Variants in TLR6 observed in about 807,000 individuals in gnomAD.
TLR6 encodes toll like receptor 6.
A neutral mutation model predicts 16.1 loss-of-function variants in TLR6; 9 were observed. The ratio of observed to expected loss-of-function variants is 0.56; its 90% confidence interval spans 0.34 to 0.98. The LOEUF (loss-of-function observed/expected upper bound fraction) is 0.98, where lower values mean the gene tolerates loss of function less well. Ranked by LOEUF, TLR6 falls within the 50% of genes least tolerant of loss-of-function variation. The pLI, the probability that TLR6 is intolerant of heterozygous loss-of-function variation, is 0.02. For synonymous variants in TLR6, 340 were observed against 338.6 expected (o/e 1.00, Z -0.04); for missense variants, 786 against 921.0 (o/e 0.85, Z 1.90).
intron 1 of TLR6, among the ~76,000 whole-genome samples, chr4:38,847,592 G>A (rs898034627): frequency 1.6e-4 from 24 of 152,300 alleles, no homozygotes; most frequent in South Asian, 8.3e-4. Context: ...CCCTAATACC[G>A]TGCTTTTCCA....
chr4:38,860,403 C>T (rs28480291), upstream of TLR6, among the ~76,000 whole-genome samples: 4,416 of 151,710 alleles, frequency 0.029, 212 homozygotes, highest in African/African-American at 0.1. Context: ...ACCCAGGAGG[C>T]GGAGGTTGCT....
At chr4:38,860,752 C>T (rs939116707), upstream of TLR6, among the ~76,000 whole-genome samples, 4 of 152,076 alleles carry the variant, frequency 2.6e-5, no homozygotes, top group Non-Finnish European at 1.5e-5. Context: ...GGTATGCATC[C>T]TCATTAGAAC....
At chr4:38,845,726 G>GT (rs111530790) in intron 1 of TLR6, among the ~76,000 whole-genome samples, 32,559 of 152,134 alleles carry the variant, frequency 0.21, 4,199 homozygotes, top group Non-Finnish European at 0.28. Flanking sequence ...CTACAGAACT[G>GT]TAAGATAATA....
chr4:38,839,008 GGAGA>G (rs1425867806), intron 1 of TLR6, among the ~76,000 whole-genome samples: 4 of 137,654 alleles, frequency 2.9e-5, no homozygotes, highest in Non-Finnish European at 3.1e-5. Context: ...AGAGAGAGAA[GGAGA>G]GAGAGAAAGA....
upstream of TLR6, chr4:38,856,895 C>G (rs1713014041): frequency 6.6e-6 from 1 of 152,102 alleles, no homozygotes. Context: ...ATCTGTTGGC[C>G]CACACTGGAA....
chr4:38,846,465 T>C (rs1393365508), intron 1 of TLR6, among the ~76,000 whole-genome samples: 3 of 151,726 alleles, frequency 2.0e-5, no homozygotes, highest in South Asian at 2.1e-4. Flanking sequence ...AATGAGAAAA[T>C]TAATGATAGA....
At chr4:38,861,993 T>C in the TLR6 span, among the ~76,000 whole-genome samples, 1 of 152,222 alleles carries the variant, frequency 6.6e-6, no homozygotes, top group Admixed American at 6.5e-5. Context: ...TAAAACATTC[T>C]TGTTGAAAAC....
upstream of TLR6, among the ~76,000 whole-genome samples, chr4:38,858,757 G>GA (rs1560274453): frequency 1.7e-5 from 1 of 59,602 alleles, no homozygotes; most frequent in East Asian, 6.2e-4. Context: ...GAGAGAGAGA[G>GA]GGAGAGAGAG....
At chr4:38,862,444 C>T in the TLR6 span, among the ~76,000 whole-genome samples, 1 of 151,894 alleles carries the variant, frequency 6.6e-6, no homozygotes, top group African/African-American at 2.4e-5. Flanking sequence ...TCACTCTCCG[C>T]TAATTTTTGT....
At position 38,837,792 on chromosome 4, in the gene TLR6, A is replaced by G. The variant is rs142158330; in HGVS notation, c.-64-8255T>C. Among the ~76,000 whole-genome samples the G allele has an allele frequency of 8.2e-3, 1,245 of 152,324 alleles. 22 individuals carry two copies. The highest frequency in any genetic ancestry group is 0.028 in the African/African-American group (1,163 of 41,576). On this transcript the variant is annotated intron_variant, in intron 1 of 1. Coordinates refer to ENST00000436693, the Ensembl canonical transcript of TLR6. ...CTTCTACACAGCACAGGAAACAATCAACAGGGTGAATAGATAACAGGGTTA... is the reference window on the plus strand; with the variant it reads ...CTTCTACACAGCACAGGAAACAATCGACAGGGTGAATAGATAACAGGGTTA...
chr4:38,838,694 A>G (rs962908169), intron 1 of TLR6, among the ~76,000 whole-genome samples: 2 of 152,164 alleles, frequency 1.3e-5, no homozygotes, highest in East Asian at 3.9e-4. Flanking sequence ...GACTATAGCT[A>G]ACAATAATTT....
upstream of TLR6, among the ~76,000 whole-genome samples, chr4:38,857,096 A>G (rs757347719): frequency 6.6e-6 from 1 of 152,218 alleles, no homozygotes; most frequent in Non-Finnish European, 1.5e-5. Flanking sequence ...TGGTTATTAC[A>G]TTTGTCACCT....
At chr4:38,855,863 G>C (rs1430699623) in intron 1 of TLR6, among the ~76,000 whole-genome samples, 1 of 91,376 alleles carries the variant, frequency 1.1e-5, no homozygotes, top group African/African-American at 6.8e-5. Flanking sequence ...TTTAAAGAAA[G>C]TAAAAATAAA....
rs144114032 is a variant in TLR6 at position 38,836,055 on chromosome 4, C to T, written c.-64-6518G>A. ...TGAAATAAACAACCTAACAACGAACCTCAAGGAAGCAAGAACAAATAGAAA... is the reference window on the plus strand; with the variant it reads ...TGAAATAAACAACCTAACAACGAACTTCAAGGAAGCAAGAACAAATAGAAA... On this transcript the variant is annotated intron_variant, in intron 1 of 1. Transcript: ENST00000436693. Among the ~76,000 whole-genome samples, 295 of 151,924 alleles carry T rather than the reference C, an allele frequency of 1.9e-3. 1 individual carries two copies. The highest frequency in any genetic ancestry group is 6.9e-3 in the African/African-American group (286 of 41,470).
upstream of TLR6, among the ~76,000 whole-genome samples, chr4:38,860,466 T>C (rs143320800): frequency 0.031 from 4,648 of 150,026 alleles, 202 homozygotes; most frequent in African/African-American, 0.086. Context: ...AGCGAGACTC[T>C]GTCTCAAAAA....
chr4:38,862,285 T>TA, the TLR6 span, among the ~76,000 whole-genome samples: 1 of 151,750 alleles, frequency 6.6e-6, no homozygotes, highest in Non-Finnish European at 1.5e-5. Flanking sequence ...CCAATCACAT[T>TA]TTTTTTTATT....
chr4:38,828,268 C>T (rs977821398), exon 2 of TLR6: 1 of 1,613,592 alleles, frequency 6.2e-7, no homozygotes, highest in African/African-American at 1.3e-5. Context: ...CCAAAGAAGG[C>T]ATATCCTTCG....
chr4:38,851,363 C>T (rs1360922184), intron 1 of TLR6, among the ~76,000 whole-genome samples: 1 of 152,106 alleles, frequency 6.6e-6, no homozygotes, highest in East Asian at 1.9e-4. Flanking sequence ...TCATATTCAA[C>T]ATAGTGTTGG....
At chr4:38,860,259 G>A (rs1290168495), upstream of TLR6, among the ~76,000 whole-genome samples, 1 of 152,092 alleles carries the variant, frequency 6.6e-6, no homozygotes, top group Admixed American at 6.6e-5. Context: ...ATCACCTGAG[G>A]TCAGGAGTTC....
Sources: gnomAD v4.1 joint callset for allele counts (sites outside exome capture counted in the v4.1 genomes callset) on GRCh38, gnomAD v4.1.1 for gene constraint, MANE v1.5 for transcripts, NCBI Gene and HGNC (gene_info 2026-07-23, HGNC 2026-07-21) for gene names.